The following GABPA variants were observed in gnomAD, a reference collection of about 807,000 sequenced individuals.
The protein encoded by GABPA is GA-binding protein alpha chain.
Under a neutral mutation model 59.4 loss-of-function variants are expected in GABPA, and 4 were observed. The ratio of observed to expected loss-of-function variants is 0.07; its 90% confidence interval spans 0.03 to 0.15. GABPA has a LOEUF of 0.15. GABPA is among the 10% of genes least tolerant of loss of function. The pLI is 1.00. For synonymous variants in GABPA, 164 were observed against 183.1 expected (o/e 0.90, Z 0.84); for missense variants, 251 against 543.8 (o/e 0.46, Z 5.36).
At chr21:25,751,777 T>A (rs2035518924) in intron 4 of GABPA, among the ~76,000 whole-genome samples, 1 of 152,172 alleles carries the variant, frequency 6.6e-6, no homozygotes, top group African/African-American at 2.4e-5. Context: ...TTATTTTTTA[T>A]AAAATTATTT....
intron 3 of GABPA, among the ~76,000 whole-genome samples, chr21:25,747,979 T>C (rs1019805959): frequency 6.6e-6 from 1 of 152,184 alleles, no homozygotes; most frequent in African/African-American, 2.4e-5. Flanking sequence ...GCAGTGGCGC[T>C]CACTGCAACG....
chr21:25,768,883 T>C (rs1469910974), intron 9 of GABPA, 121 bp from the exon 10 acceptor site: 3 of 643,528 alleles, frequency 4.7e-6, no homozygotes, highest in Non-Finnish European at 8.4e-6. Flanking sequence ...AGCTTCAATA[T>C]TAATTGCTAT....
intron 6 of GABPA, among the ~76,000 whole-genome samples, chr21:25,759,072 A>G (rs906347523): frequency 1.3e-5 from 2 of 151,988 alleles, no homozygotes; most frequent in African/African-American, 4.8e-5. Context: ...CTCAATTGGA[A>G]AAAAAAGAGA....
chr21:25,739,273 C>T (rs1279611648), intron 1 of GABPA, among the ~76,000 whole-genome samples: 2 of 152,158 alleles, frequency 1.3e-5, no homozygotes, highest in Non-Finnish European at 2.9e-5. Flanking sequence ...AGAGTTATAG[C>T]CCTTTCTAAA....
intron 4 of GABPA, 30 bp downstream of exon 4, chr21:25,749,150 A>G: frequency 8.0e-7 from 1 of 1,256,628 alleles, no homozygotes; most frequent in Non-Finnish European, 1.1e-6. Flanking sequence ...AGTTATTTAA[A>G]ATTTTAGCTC....
rs2036024366 is a variant in GABPA at position 25,772,320 on chromosome 21, T to C, written c.*3088T>C. 1 of 152,150 alleles carries C rather than the reference T, an allele frequency of 6.6e-6. No homozygotes were observed. Among genetic ancestry groups the C allele is most frequent in the Non-Finnish European group, 1.5e-5 (1 of 67,952 alleles). The allele number at this position is 152,150 out of a possible 1,614,324, so 9.4% of individuals were successfully genotyped here. On this transcript the variant is annotated 3_prime_UTR_variant, in exon 10 of 10. Transcript: ENST00000400075. ...GACAACGACACTTATACTGTCATAA[T>C]AACAATTATGTATTTCTTTGTGGTT...
At chr21:25,766,156 G>C (rs1467235411) in intron 9 of GABPA, among the ~76,000 whole-genome samples, 1 of 151,924 alleles carries the variant, frequency 6.6e-6, no homozygotes, top group Non-Finnish European at 1.5e-5. Context: ...AATGGCAGTG[G>C]GGAGAAAACA....
intron 3 of GABPA, among the ~76,000 whole-genome samples, chr21:25,746,573 T>C (rs777198065): frequency 6.6e-6 from 1 of 152,212 alleles, no homozygotes; most frequent in African/African-American, 2.4e-5. Flanking sequence ...TTAACCATAC[T>C]TTAATCTTTT....
chr21:25,740,050 C>T (rs1443289848), intron 1 of GABPA, among the ~76,000 whole-genome samples: 1 of 152,100 alleles, frequency 6.6e-6, no homozygotes, highest in Non-Finnish European at 1.5e-5. Flanking sequence ...GTGGTGGTGG[C>T]TGTTGTACTG....
At position 25,751,926 on chromosome 21, in the gene GABPA, T is replaced by C. The variant is rs1274735712; in HGVS notation, c.308-63T>C. The C allele has an allele frequency of 7.8e-6, 12 of 1,548,278 alleles. 1 individual carries two copies. The South Asian group carries it at 1.2e-4, about 15-fold the overall frequency. ...ACCATTTGGGAACATATAAACTAAA[T>C]TATTTTTTGGTGACTTCTGCGTTTT... On this transcript the variant is annotated intron_variant, in intron 4 of 9. Transcript: ENST00000400075.
At chr21:25,759,569 A>C (rs1485504892) in intron 6 of GABPA, among the ~76,000 whole-genome samples, 2 of 152,006 alleles carry the variant, frequency 1.3e-5, no homozygotes, top group Admixed American at 1.3e-4. Context: ...AATTGTTTAT[A>C]ATTTTATTCT....
chr21:25,739,562 G>T (rs747092189), intron 1 of GABPA, among the ~76,000 whole-genome samples: 4 of 152,120 alleles, frequency 2.6e-5, no homozygotes, highest in Non-Finnish European at 5.9e-5. Context: ...TCTTCACATT[G>T]AATCACTCTG....
intron 2 of GABPA, among the ~76,000 whole-genome samples, chr21:25,742,037 A>G (rs918826787): frequency 1.3e-5 from 2 of 152,246 alleles, no homozygotes; most frequent in African/African-American, 4.8e-5. Flanking sequence ...GTAAACAACT[A>G]ATTGACAAGA....
chr21:25,751,279 A>G (rs955001286), intron 4 of GABPA, among the ~76,000 whole-genome samples: 1 of 151,456 alleles, frequency 6.6e-6, no homozygotes, highest in African/African-American at 2.4e-5. Context: ...AATAGTTTAA[A>G]TGTGTTTTAA....
intron 5 of GABPA, among the ~76,000 whole-genome samples, chr21:25,755,283 A>G (rs1177783633): frequency 1.3e-5 from 2 of 152,030 alleles, no homozygotes; most frequent in East Asian, 3.9e-4. Flanking sequence ...ACTGTCTCCA[A>G]AAAATAGAAA....
chr21:25,747,999 C>A (rs1363265895), intron 3 of GABPA, among the ~76,000 whole-genome samples: 1 of 152,028 alleles, frequency 6.6e-6, no homozygotes. Context: ...GTCCGCCTAC[C>A]GGGTCTAAGC....
intron 3 of GABPA, 82 bp from the exon 4 acceptor site, chr21:25,748,954 A>C (rs965097010): frequency 1.5e-5 from 12 of 804,732 alleles, no homozygotes; most frequent in Non-Finnish European, 2.6e-5. Flanking sequence ...TGTTTGGTAC[A>C]TCCATTTATT....
At chr21:25,750,721 C>A (rs2035488512) in intron 4 of GABPA, among the ~76,000 whole-genome samples, 1 of 152,124 alleles carries the variant, frequency 6.6e-6, no homozygotes, top group Admixed American at 6.6e-5. Context: ...ATCCTTAATT[C>A]CCTCAGGACT....
chr21:25,750,873 C>CA (rs2035492182), intron 4 of GABPA, among the ~76,000 whole-genome samples: 1 of 152,072 alleles, frequency 6.6e-6, no homozygotes, highest in Non-Finnish European at 1.5e-5. Context: ...TAGATTTTAA[C>CA]AAAAAATATT....
Sources: gnomAD v4.1 joint callset for allele counts (sites outside exome capture counted in the v4.1 genomes callset) on GRCh38, gnomAD v4.1.1 for gene constraint, MANE v1.5 for transcripts, NCBI Gene and HGNC (gene_info 2026-07-23, HGNC 2026-07-21) for gene names.